The following NDRG2 variants were observed in gnomAD, a reference collection of about 807,000 sequenced individuals.
The protein encoded by NDRG2 is NDRG family member 2.
NDRG2 carries 34 observed loss-of-function variants against 58.2 expected under a neutral mutation model. That is an observed-to-expected ratio of 0.58 (90% CI 0.44 to 0.78). The LOEUF is 0.78. NDRG2 is among the 30% of genes least tolerant of loss of function. NDRG2 has a pLI of 0.00. For synonymous variants in NDRG2, 187 were observed against 175.9 expected, an observed-to-expected ratio of 1.06 and a Z score of -0.50; for missense variants, 434 against 471.2, an observed-to-expected ratio of 0.92 and a Z score of 0.73.
chr14:21,022,098 G>A lies in NDRG2; in HGVS notation c.308C>T (p.Pro103Leu), dbSNP rs764052024. The change falls in exon 5 of 16, where the codon CCT becomes CTT. Residue 103 changes from proline (P) to leucine (L), a missense_variant. By Grantham distance (98) the Pro-to-Leu change is moderately conservative. Transcript: ENST00000556147. ...QNFVRVHVDA[P>L]GMEEGAPVFP... ...CACAGGGGCTCCCTCTTCCATTCCA[G>A]GGGCATCCACATGAACCCGCACAAA... 1.9e-6 allele frequency: 3 copies of A among 1,614,120 alleles called. No individual in the cohort carries two copies. In the South Asian group the frequency reaches 3.3e-5, roughly 18 times the overall value.
intron 1 of NDRG2, chr14:21,031,074 A>G: frequency 6.2e-7 from 1 of 1,614,216 alleles, no homozygotes. Context: ...GAACTGGGCC[A>G]GAAGCGCTTC....
In NDRG2 at chr14:21,024,673, C is replaced by T; in HGVS notation, c.-650G>A. On this transcript the variant is annotated 5_prime_UTR_variant, in exon 1 of 16. Transcript: ENST00000556147. ...ACAATCTTCTCCCGTTCTCCCCCGA[C>T]GGCCCGCGAAGGCAAGCGCCATCGG... 2 of 985,538 alleles carry T rather than the reference C, an allele frequency of 2.0e-6. No homozygotes were observed. The highest frequency in any genetic ancestry group is 2.4e-6 in the Non-Finnish European group (2 of 830,020). The allele number at this position is 985,538 out of a possible 1,614,324, so 61.0% of individuals were successfully genotyped here. A position where few individuals can be genotyped will look rare whatever the true frequency, so the allele number is the denominator to read the frequency against.
At chr14:21,025,289 C>T, upstream of NDRG2, 1 of 944,806 alleles carries the variant, frequency 1.1e-6, no homozygotes, top group African/African-American at 1.8e-5. This position sits in a 1 kb window ranked among gnomAD's most constrained non-coding sequence, Gnocchi z 5.1. Flanking sequence ...CTCACCAAAA[C>T]ATTCCACCAC....
chr14:21,057,327 T>G lies in NDRG2; in HGVS notation c.24+13501A>C, dbSNP rs560260206. ...GGTGCATGCCTGTAATCCCAGCTAC[T>G]TGGGAGGCTGAGGCAGGAGAATTGC... On this transcript the variant is annotated intron_variant, in intron 1 of 14. Coordinates refer to the NDRG2 transcript ENST00000403829. Among the ~76,000 whole-genome samples the G allele has an allele frequency of 8.0e-4, 122 of 151,964 alleles. 1 individual carries two copies. Among genetic ancestry groups the G allele is most frequent in the African/African-American group, 2.8e-3 (117 of 41,412 alleles).
rs901155247 is a variant in NDRG2, at chr14:21,056,150, G to C, written c.24+14678C>G. Among the ~76,000 whole-genome samples, 3 of 152,100 alleles carry C rather than the reference G, an allele frequency of 2.0e-5. No individual in the cohort carries two copies. The East Asian group carries it at 5.8e-4, about 29-fold the overall frequency. ...TGGAGAGCACTTTATCCCAAAGGTG[G>C]AGAAGTTACACAAATCCCAGAGGTT... On this transcript the variant is annotated intron_variant, in intron 1 of 14. Coordinates refer to the NDRG2 transcript ENST00000403829.
At chr14:21,067,236 G>A (rs932116373) in intron 1 of NDRG2, among the ~76,000 whole-genome samples, 5 of 152,008 alleles carry the variant, frequency 3.3e-5, no homozygotes, top group South Asian at 2.1e-4. Flanking sequence ...AAATGTCTTC[G>A]GAATTATTTT....
At chr14:21,042,959 C>CT (rs1177718696) in intron 1 of NDRG2, 3 of 1,584,402 alleles carry the variant, frequency 1.9e-6, no homozygotes, top group Non-Finnish European at 2.6e-6. Flanking sequence ...CCAGCGACCC[C>CT]TGCCCTCCAT....
intron 1 of NDRG2, among the ~76,000 whole-genome samples, chr14:21,065,927 T>C (rs1439793163): frequency 6.6e-6 from 1 of 152,126 alleles, no homozygotes; most frequent in African/African-American, 2.4e-5. Context: ...GGTGAAACCC[T>C]GTCTTTACTA....
chr14:21,030,689 C>T (rs1884023198), upstream of NDRG2: 1 of 1,614,202 alleles, frequency 6.2e-7, no homozygotes, highest in Non-Finnish European at 8.5e-7. Flanking sequence ...TGTGCAAAGA[C>T]TGTGGCATCA....
upstream of NDRG2, chr14:21,030,497 C>T (rs1034114142): frequency 1.0e-5 from 14 of 1,395,030 alleles, no homozygotes; most frequent in Non-Finnish European, 1.2e-5. Flanking sequence ...TAACACTCAT[C>T]CTCATTACTC....
At chr14:21,051,301 T>G (rs1031616621) in intron 1 of NDRG2, among the ~76,000 whole-genome samples, 1 of 152,160 alleles carries the variant, frequency 6.6e-6, no homozygotes, top group Non-Finnish European at 1.5e-5. Flanking sequence ...AAAATAGACA[T>G]AGAGCACTTG....
chr14:21,023,715 G>T (rs1345651642), intron 1 of NDRG2: 3 of 190,290 alleles, frequency 1.6e-5, no homozygotes, highest in African/African-American at 6.9e-5. Context: ...CAGTGACTGA[G>T]TATTCTAAAG....
chr14:21,019,650 G>C lies in NDRG2; in HGVS notation c.705C>G (p.Asn235Lys), dbSNP rs755031880. 6.2e-7 allele frequency: 1 copy of C among 1,610,470 alleles called. No homozygotes were observed. The highest frequency in any genetic ancestry group is 8.5e-7 in the Non-Finnish European group (1 of 1,176,906). ...PNLDNIELYWNSYNNRRDLNF... is the reference protein window; with the variant it reads ...PNLDNIELYWKSYNNRRDLNF... ...CACAGCCCACCCACTTGTTGTAGCT[G>C]TTCCAGTACAATTCAATGTTATCCA... The change falls in exon 10 of 16, where the codon AAC becomes AAG. Residue 235 changes from asparagine (N) to lysine (K), a missense_variant. Physicochemically the swap from Asn to Lys is moderately conservative, Grantham distance 94. Transcript: ENST00000556147.
At chr14:21,059,751 C>CT (rs537141041) in intron 1 of NDRG2, among the ~76,000 whole-genome samples, 13 of 152,302 alleles carry the variant, frequency 8.5e-5, no homozygotes, top group African/African-American at 2.9e-4. Context: ...CCCTCAACTC[C>CT]TGGGCTCAAG....
upstream of NDRG2, chr14:21,030,553 C>G (rs762503372): frequency 6.2e-7 from 1 of 1,607,312 alleles, no homozygotes; most frequent in South Asian, 1.1e-5. Flanking sequence ...GTGTCTCCCA[C>G]GACTGCCCTC....
intron 1 of NDRG2, among the ~76,000 whole-genome samples, chr14:21,063,846 T>G (rs555005299): frequency 6.6e-5 from 10 of 152,226 alleles, no homozygotes; most frequent in Admixed American, 1.3e-4. Flanking sequence ...CTCATTATGC[T>G]TAAAATTTTT....
In NDRG2 at chr14:21,020,796, C is replaced by T. The variant is rs1251292494; in HGVS notation, c.456G>A (p.Leu152=). ...TTTTATTTCTTACAGCATATCTCGC[C>T]AGGATGTAGGCTCCAGCTCCAACAC... ...GVGVGAGAYI[L]ARYALNHPDT... Residue 152 remains leucine (L), a synonymous_variant, in exon 7 of 16, where the codon CTG becomes CTA. Coordinates refer to ENST00000556147, the MANE Select transcript of NDRG2 (RefSeq NM_001320329.2). The T allele has an allele frequency of 6.2e-7, 1 of 1,614,052 alleles. No individual in the cohort carries two copies. Among genetic ancestry groups the T allele is most frequent in the South Asian group, 1.1e-5 (1 of 91,052 alleles).
At chr14:21,020,639 C>A in intron 7 of NDRG2, 57 bp from the exon 8 acceptor site, 1 of 1,594,100 alleles carries the variant, frequency 6.3e-7, no homozygotes, top group African/African-American at 1.3e-5. Flanking sequence ...ATCCCCTCCC[C>A]GCTAAGCTCG....
chr14:21,062,070 A>T (rs536503060), intron 1 of NDRG2, among the ~76,000 whole-genome samples: 1 of 152,362 alleles, frequency 6.6e-6, no homozygotes, highest in African/African-American at 2.4e-5. Flanking sequence ...TGATTATTAG[A>T]ATTTATTTCT....
Sources: allele counts gnomAD v4.1 joint callset (sites outside exome capture counted in the v4.1 genomes callset), GRCh38; gene constraint gnomAD v4.1.1; non-coding constraint Gnocchi (gnomAD v3.1); transcripts MANE v1.5; gene names NCBI Gene and HGNC (gene_info 2026-07-23, HGNC 2026-07-21).